DMD: variants seen among roughly 807,000 people sequenced by gnomAD.
The protein encoded by DMD is mutant dystrophin.
Under a neutral mutation model 330.1 loss-of-function variants are expected in DMD, and 63 were observed. That is an observed-to-expected ratio of 0.19 (90% confidence interval 0.16 to 0.24). The LOEUF is 0.24. Among genes scored for constraint, DMD ranks in the 10% least tolerant of loss-of-function variants. The pLI is 1.00. For synonymous variants in DMD, 1,223 were observed against 959.8 expected (o/e 1.27, Z -5.07); for missense variants, 3,344 against 2,684.1 (o/e 1.25, Z -5.43).
chrX:32,614,303 C>G lies in DMD; in HGVS notation c.1482G>C (p.Lys494Asn). The G allele has an allele frequency of 8.3e-7, 1 of 1,208,103 alleles. No homozygotes were observed. The highest frequency in any genetic ancestry group is 1.1e-6 in the Non-Finnish European group (1 of 893,577). Residue 494 changes from lysine (K) to asparagine (N), a missense_variant and splice_region_variant, in exon 12 of 79, where the codon AAG becomes AAC. Physicochemically the swap from Lys to Asn is moderately conservative, Grantham distance 94 (BLOSUM62 0). Transcript: ENST00000357033. ...AGCACGCAACATAAGATACACCTAC[C>G]TTATGTTGTTGTACTTGGCGTTTTA... The part of the protein sequence containing the change: ...EDLKRQVQQH[K>N]VLQEDLEQEQ...
chrX:32,127,140 C>T (rs2096665325), intron 44 of DMD, among the ~76,000 whole-genome samples: 1 of 111,597 alleles, frequency 9.0e-6, no homozygotes, highest in Non-Finnish European at 1.9e-5. Context: ...TGGTTTCTAG[C>T]CCCAGAAGGC....
chrX:31,651,285 A>G (rs2080436889), intron 54 of DMD, among the ~76,000 whole-genome samples: 1 of 111,904 alleles, frequency 8.9e-6, no homozygotes, highest in South Asian at 3.7e-4. Flanking sequence ...GTTAGGTGGC[A>G]GAAAGTACAG....
Position 31,776,394 on chromosome X carries a change from AT to A in DMD, c.7310-2203del, listed in dbSNP as rs372667361. Among the ~76,000 whole-genome samples the A allele has an allele frequency of 1.3e-3, 134 of 103,336 alleles. 1 individual carries two copies. In the East Asian group the frequency reaches 0.013, roughly 10 times the overall value. 89.7% of individuals were successfully genotyped at this position (103,336 alleles called of 115,157 possible). On this transcript the variant is annotated intron_variant, in intron 50 of 78. Coordinates refer to ENST00000357033, the MANE Select transcript of DMD (RefSeq NM_004006.3). ...CCTCAAATAAGAGCAGAGACAAGAG[AT>A]TTTTTTTTTTTCTCCAGACTTACTT...
At chrX:31,541,455 A>G (rs1050860373) in intron 55 of DMD, among the ~76,000 whole-genome samples, 2 of 107,631 alleles carry the variant, frequency 1.9e-5, no homozygotes, top group Non-Finnish European at 3.9e-5. Context: ...CGTCATTTAC[A>G]TTAGGTATAT....
chrX:32,677,127 G>C (rs2062025928), intron 9 of DMD, among the ~76,000 whole-genome samples: 1 of 111,214 alleles, frequency 9.0e-6, no homozygotes, highest in African/African-American at 3.3e-5. Context: ...TAATTGAAAA[G>C]AGTCTAGTGT....
intron 1 of DMD, among the ~76,000 whole-genome samples, chrX:33,262,174 G>A (rs773218137): frequency 1.7e-4 from 19 of 111,689 alleles, no homozygotes; most frequent in Non-Finnish European, 2.6e-4. Context: ...AATGAAAAAT[G>A]TAGTAAATGA....
At chrX:31,341,891 G>GCGCACACACACACA (rs374298104) in intron 61 of DMD, among the ~76,000 whole-genome samples, 23 of 98,889 alleles carry the variant, frequency 2.3e-4, no homozygotes, top group South Asian at 2.0e-3. Flanking sequence ...GTGCGCGCGC[G>GCGCACACACACACA]CACACACACA....
chrX:32,467,547 A>T (rs2040158880), intron 23 of DMD, among the ~76,000 whole-genome samples: 1 of 109,724 alleles, frequency 9.1e-6, no homozygotes, highest in Admixed American at 9.9e-5. Context: ...TGTAACATTA[A>T]TATACATATA....
At chrX:32,546,777 C>T (rs1321925925) in intron 16 of DMD, among the ~76,000 whole-genome samples, 2 of 103,058 alleles carry the variant, frequency 1.9e-5, no homozygotes, top group South Asian at 4.7e-4. Context: ...AATCACTGAA[C>T]CTCAAACAAC....
intron 1 of DMD, among the ~76,000 whole-genome samples, chrX:33,162,608 G>T (rs1223909738): frequency 9.0e-6 from 1 of 111,637 alleles, no homozygotes; most frequent in African/African-American, 3.3e-5. Flanking sequence ...GGGGACTGCT[G>T]TTGGAAGAGT....
intron 57 of DMD, among the ~76,000 whole-genome samples, chrX:31,482,218 GGT>G (rs752580281): frequency 0.022 from 2,062 of 93,234 alleles, 29 homozygotes; most frequent in Non-Finnish European, 0.033. Flanking sequence ...GCAACATGAT[GGT>G]GTGTGTGTGT....
chrX:32,444,956 C>G (rs1260895615), intron 27 of DMD, among the ~76,000 whole-genome samples: 1 of 110,989 alleles, frequency 9.0e-6, no homozygotes, highest in Admixed American at 9.6e-5. Flanking sequence ...CTCTTTCAAA[C>G]TTCTCATTCC....
chrX:31,688,497 A>C (rs1463090201), intron 52 of DMD, among the ~76,000 whole-genome samples: 1 of 111,840 alleles, frequency 8.9e-6, no homozygotes, highest in East Asian at 2.8e-4. Context: ...AACCAAAAAA[A>C]GTCCAGGACC....
At position 32,359,216 on chromosome X, in the gene DMD, G is replaced by A. The variant is rs146444790; in HGVS notation, c.5325+3572C>T. Among the ~76,000 whole-genome samples the A allele has an allele frequency of 3.7e-3, 409 of 111,661 alleles. 3 individuals are homozygous for A. Among genetic ancestry groups the A allele is most frequent in the Non-Finnish European group, 4.5e-3 (241 of 53,125 alleles). On this transcript the variant is annotated intron_variant, in intron 37 of 78. Transcript: ENST00000357033. Reference sequence around the variant, plus strand: ...GGATCCCTTTACTCACTGCTTTCTGGGCTTCGGAATTTCTTGTCATGAACA... The same window carrying A: ...GGATCCCTTTACTCACTGCTTTCTGAGCTTCGGAATTTCTTGTCATGAACA...
intron 29 of DMD, among the ~76,000 whole-genome samples, chrX:32,428,464 A>G (rs749144521): frequency 8.7e-4 from 97 of 112,009 alleles, no homozygotes; most frequent in Non-Finnish European, 1.6e-3. Flanking sequence ...ACTGTTAATC[A>G]TCACTATCTT....
At chrX:33,178,008 C>T (rs968410775) in intron 1 of DMD, among the ~76,000 whole-genome samples, 2 of 112,308 alleles carry the variant, frequency 1.8e-5, no homozygotes, top group Admixed American at 1.9e-4. Context: ...AAGATTCATG[C>T]ATATTTAGTA....
chrX:31,260,262 C>G (rs2050379108), intron 63 of DMD, among the ~76,000 whole-genome samples: 1 of 111,519 alleles, frequency 9.0e-6, no homozygotes, highest in African/African-American at 3.3e-5. Context: ...CCAAAACAAG[C>G]TGCAACTTAA....
intron 7 of DMD, among the ~76,000 whole-genome samples, chrX:32,803,113 T>TA (rs952480670): frequency 2.7e-5 from 3 of 111,611 alleles, no homozygotes; most frequent in Non-Finnish European, 5.7e-5. Context: ...TTTTTTGGTT[T>TA]GTAGGCTATT....
At chrX:33,332,970 T>C (rs181526870) in intron 1 of DMD, among the ~76,000 whole-genome samples, 64 of 111,012 alleles carry the variant, frequency 5.8e-4, no homozygotes, top group Non-Finnish European at 9.7e-4. Flanking sequence ...TCAGTGATTA[T>C]GAGTAATGTG....
Sources: allele counts gnomAD v4.1 joint callset (sites outside exome capture counted in the v4.1 genomes callset), GRCh38; gene constraint gnomAD v4.1.1; transcripts MANE v1.5; gene names NCBI Gene and HGNC (gene_info 2026-07-23, HGNC 2026-07-21).